The following IPO5 variants were observed in gnomAD, a reference collection of about 807,000 sequenced individuals.
The protein encoded by IPO5 is importin-5.
In IPO5, 18 loss-of-function variants were observed where a neutral mutation model predicts 143.3. The observed-to-expected ratio is 0.13, with a 90% confidence interval of 0.09 to 0.19. IPO5 has a LOEUF of 0.19. IPO5 is among the 10% of genes least tolerant of loss of function. The pLI is 1.00. For synonymous variants in IPO5, 477 were observed against 465.7 expected, an observed-to-expected ratio of 1.02 and a Z score of -0.31; for missense variants, 1,013 against 1,336.9, an observed-to-expected ratio of 0.76 and a Z score of 3.78.
At chr13:97,999,746 ATAGTTTTTGGCAGTGCAGTT>A (rs1178120328) in intron 12 of IPO5, among the ~76,000 whole-genome samples, 2 of 152,210 alleles carry the variant, frequency 1.3e-5, no homozygotes, top group Non-Finnish European at 2.9e-5. Flanking sequence ...ATAGCTATGC[ATAGTTTTTGGCAGTGCAGTT>A]TGCACCCCTT....
rs1320517925 is a variant in IPO5, at chr13:97,954,135, G to A, written c.-176G>A. On this transcript the variant is annotated 5_prime_UTR_variant, in exon 2 of 29. Coordinates refer to ENST00000651721, the MANE Select transcript of IPO5 (RefSeq NM_002271.6). ...TTCACTTAGGTGGTTCCGGGGAGAA[G>A]CCTTTCCAGGACCCATGTGTAGGCA... is the stretch of plus-strand genomic sequence containing the variant. The A allele has an allele frequency of 1.2e-5, 3 of 250,234 alleles. No homozygotes were observed. The highest frequency in any genetic ancestry group is 2.4e-5 in the Non-Finnish European group (3 of 124,052). The allele number at this position is 250,234 out of a possible 1,614,324, so 15.5% of individuals were successfully genotyped here.
At chr13:97,986,591 C>T (rs1265838615) in intron 6 of IPO5, among the ~76,000 whole-genome samples, 2 of 152,102 alleles carry the variant, frequency 1.3e-5, no homozygotes, top group African/African-American at 4.8e-5. Flanking sequence ...CTCAGGTGAT[C>T]TGCCCATCTC....
intron 2 of IPO5, among the ~76,000 whole-genome samples, chr13:97,957,376 T>G (rs1335762387): frequency 6.6e-6 from 1 of 151,964 alleles, no homozygotes; most frequent in Non-Finnish European, 1.5e-5. Context: ...TTTTTTTTTG[T>G]ATTTTTTGTA....
At chr13:97,971,888 C>CACCAT (rs1188864387) in intron 3 of IPO5, among the ~76,000 whole-genome samples, 3 of 152,192 alleles carry the variant, frequency 2.0e-5, no homozygotes, top group Admixed American at 2.0e-4. Context: ...CTTATGCAGA[C>CACCAT]ACCATACTAT....
At chr13:97,968,868 T>C (rs1467407196) in intron 2 of IPO5, among the ~76,000 whole-genome samples, 1 of 152,016 alleles carries the variant, frequency 6.6e-6, no homozygotes, top group Non-Finnish European at 1.5e-5. Flanking sequence ...TTTGTATTTT[T>C]AGTAGAGACG....
At chr13:98,010,057 T>TTTG in intron 19 of IPO5, 44 bp downstream of exon 19, 1 of 1,613,470 alleles carries the variant, frequency 6.2e-7, no homozygotes, top group Non-Finnish European at 8.5e-7. Flanking sequence ...TAGTTCTCTC[T>TTTG]TTGTTATTAT....
intron 2 of IPO5, among the ~76,000 whole-genome samples, chr13:97,957,557 G>C (rs1279835082): frequency 6.6e-6 from 1 of 152,100 alleles, no homozygotes; most frequent in Non-Finnish European, 1.5e-5. Flanking sequence ...GTGAGAGGTA[G>C]AGAATTATAT....
chr13:98,012,679 A>G (rs1889801411), intron 21 of IPO5, among the ~76,000 whole-genome samples: 1 of 152,130 alleles, frequency 6.6e-6, no homozygotes, highest in Non-Finnish European at 1.5e-5. Flanking sequence ...TTTTATTTTA[A>G]GAGATGGTGT....
rs1412129441 is a variant in IPO5 at position 98,006,116 on chromosome 13, T to C, written c.1498-14T>C. 6.4e-7 allele frequency: 1 copy of C among 1,561,286 alleles called. No homozygotes were observed. Among genetic ancestry groups the C allele is most frequent in the Non-Finnish European group, 8.8e-7 (1 of 1,132,952 alleles). On this transcript the variant is annotated splice_polypyrimidine_tract_variant and intron_variant, in intron 16 of 28. Transcript: ENST00000651721. The stretch of plus-strand genomic sequence containing the variant: ...AGTTTTCCTTTGAGGTAATAATTTG[T>C]GTCTTCCTTCTAGCTGATTCAGAAA...
chr13:98,020,567 T>A (rs1890415164), intron 27 of IPO5, among the ~76,000 whole-genome samples: 2 of 152,240 alleles, frequency 1.3e-5, no homozygotes, highest in Admixed American at 1.3e-4. Context: ...TGACAAAGAC[T>A]AGAATTCTTA....
intron 13 of IPO5, 157 bp from the exon 14 acceptor site, chr13:98,002,310 C>A: frequency 1.7e-6 from 1 of 579,218 alleles, no homozygotes; most frequent in Non-Finnish European, 2.8e-6. Context: ...CCACCGCGCC[C>A]GGCCTATACA....
intron 20 of IPO5, 130 bp from the exon 21 acceptor site, chr13:98,012,116 T>G (rs768925171): frequency 4.8e-6 from 3 of 621,320 alleles, no homozygotes; most frequent in Non-Finnish European, 8.8e-6. Context: ...TTGACAGTTC[T>G]ACATGCAACT....
chr13:97,990,667 T>C (rs1172412000), intron 9 of IPO5, 130 bp downstream of exon 9: 2 of 534,860 alleles, frequency 3.7e-6, no homozygotes, highest in Non-Finnish European at 6.4e-6. Flanking sequence ...GAACAAAACA[T>C]GCAAATCTCA....
chr13:97,995,831 A>T (rs921275560), intron 11 of IPO5, among the ~76,000 whole-genome samples: 3 of 152,192 alleles, frequency 2.0e-5, no homozygotes, highest in Middle Eastern at 3.2e-3. Flanking sequence ...GGAACTAGTT[A>T]AAAAAGTTAA....
intron 28 of IPO5, 52 bp from the exon 29 acceptor site, chr13:98,021,684 C>A: frequency 9.0e-7 from 1 of 1,110,670 alleles, no homozygotes; most frequent in South Asian, 1.8e-5. Flanking sequence ...TGATTAAAAT[C>A]CTTCCAAATG....
intron 2 of IPO5, among the ~76,000 whole-genome samples, chr13:97,962,398 C>T (rs754801094): frequency 6.6e-5 from 10 of 152,102 alleles, no homozygotes; most frequent in South Asian, 2.1e-4. Context: ...GTTTTTATGA[C>T]GTGAAGTATG....
intron 5 of IPO5, among the ~76,000 whole-genome samples, chr13:97,983,119 C>T (rs1433041859): frequency 1.3e-5 from 2 of 152,224 alleles, no homozygotes; most frequent in South Asian, 2.1e-4. Flanking sequence ...GATCCACCCC[C>T]TTCAGCCTCC....
intron 2 of IPO5, among the ~76,000 whole-genome samples, chr13:97,966,339 G>A (rs1885335062): frequency 6.6e-6 from 1 of 152,056 alleles, no homozygotes; most frequent in African/African-American, 2.4e-5. Context: ...TTTTAATAAT[G>A]AAAAGGGATT....
At chr13:98,006,058 G>T in intron 16 of IPO5, 72 bp from the exon 17 acceptor site, 1 of 976,854 alleles carries the variant, frequency 1.0e-6, no homozygotes. Context: ...GAACTTGAAG[G>T]GAGTAGTAAT....
Sources: allele counts gnomAD v4.1 joint callset (sites outside exome capture counted in the v4.1 genomes callset), GRCh38; gene constraint gnomAD v4.1.1; transcripts MANE v1.5; gene names NCBI Gene and HGNC (gene_info 2026-07-23, HGNC 2026-07-21).